The following PCBP3 variants were observed in gnomAD, a reference collection of about 807,000 sequenced individuals.
PCBP3 encodes the protein poly(rC)-binding protein 3.
A neutral mutation model predicts 52.7 loss-of-function variants in PCBP3; 25 were observed. The observed-to-expected ratio is 0.47, with a 90% CI of 0.35 to 0.66. PCBP3 has a LOEUF of 0.66. PCBP3 is among the 30% of genes least tolerant of loss of function. The pLI, the probability that PCBP3 is intolerant of heterozygous loss-of-function variation, is 0.01. For missense variants in PCBP3, 391 were observed against 490.3 expected (o/e 0.80, Z 1.91); for synonymous variants, 162 against 183.0 (o/e 0.89, Z 0.93).
At chr21:45,761,949 C>T (rs1293578091) in intron 4 of PCBP3, 2 of 152,280 alleles carry the variant, frequency 1.3e-5, no homozygotes, top group African/African-American at 4.8e-5. Context: ...TGCAACTCTT[C>T]CGTGGAATGC....
chr21:45,873,943 T>C (rs2095142164), intron 5 of PCBP3, among the ~76,000 whole-genome samples: 1 of 152,248 alleles, frequency 6.6e-6, no homozygotes, highest in Non-Finnish European at 1.5e-5. Flanking sequence ...TTCAAATATT[T>C]TGTAGAAACA....
At chr21:45,875,780 C>T (rs950461371) in intron 5 of PCBP3, among the ~76,000 whole-genome samples, 1 of 152,240 alleles carries the variant, frequency 6.6e-6, no homozygotes, top group African/African-American at 2.4e-5. Flanking sequence ...CCTTTGCTTC[C>T]TTCCAAGAGG....
At chr21:45,774,646 G>A (rs975910645) in intron 4 of PCBP3, among the ~76,000 whole-genome samples, 1 of 152,084 alleles carries the variant, frequency 6.6e-6, no homozygotes, top group African/African-American at 2.4e-5. Context: ...TATGTTGGTT[G>A]TGGCTTTGTC....
intron 3 of PCBP3, among the ~76,000 whole-genome samples, chr21:45,739,601 C>T (rs2086250140): frequency 2.2e-5 from 1 of 45,306 alleles, no homozygotes; most frequent in African/African-American, 1.5e-4. Context: ...CCCCCATCTT[C>T]ATCAGCCCAC....
chr21:45,901,690 GATGAGAGAGAGAGAGGA>G, intron 9 of PCBP3: 1 of 154,414 alleles, frequency 6.5e-6, no homozygotes, highest in Non-Finnish European at 1.4e-5. Context: ...GAGACAGAGA[GATGAGAGAGAGAGAGGA>G]AGACAGAGAG....
chr21:45,645,511 CATG>C (rs1258892872), intron 1 of PCBP3, among the ~76,000 whole-genome samples: 1 of 152,154 alleles, frequency 6.6e-6, no homozygotes, highest in African/African-American at 2.4e-5. Context: ...TTATAATGCT[CATG>C]GTGGGGGAAA....
At chr21:45,813,190 G>A (rs976430748) in intron 4 of PCBP3, among the ~76,000 whole-genome samples, 2 of 152,046 alleles carry the variant, frequency 1.3e-5, no homozygotes, top group Non-Finnish European at 2.9e-5. Context: ...GGTCTCTCAG[G>A]TTCTGTTGTT....
At chr21:45,860,670 C>A (rs1281209373) in intron 5 of PCBP3, among the ~76,000 whole-genome samples, 1 of 152,186 alleles carries the variant, frequency 6.6e-6, no homozygotes, top group African/African-American at 2.4e-5. Flanking sequence ...AAAGATCGTG[C>A]GAGGCTGCGT....
At chr21:45,923,221 G>A (rs1448738238) in intron 13 of PCBP3, among the ~76,000 whole-genome samples, 5 of 152,216 alleles carry the variant, frequency 3.3e-5, no homozygotes, top group African/African-American at 4.8e-5. Context: ...GGGGAGGTGG[G>A]TGAGGGGTCC....
intron 4 of PCBP3, among the ~76,000 whole-genome samples, chr21:45,814,892 ATGAGTGGTGAG>A (rs1261314788): frequency 2.6e-5 from 2 of 78,404 alleles, no homozygotes; most frequent in African/African-American, 1.1e-4. Context: ...GTGGTGAGTG[ATGAGTGGTGAG>A]TGAGTGGTGA....
chr21:45,860,404 T>C (rs1387345563), intron 5 of PCBP3, among the ~76,000 whole-genome samples: 2 of 152,266 alleles, frequency 1.3e-5, no homozygotes, highest in African/African-American at 4.8e-5. Context: ...CAGTTAGGAC[T>C]GTGCAGCTGA....
intron 12 of PCBP3, chr21:45,915,721 G>A (rs1451902800): frequency 1.3e-5 from 2 of 152,516 alleles, no homozygotes; most frequent in East Asian, 3.8e-4. Context: ...GGGCCCTGGG[G>A]CCCTGGGGAC....
At chr21:45,804,889 GGAGTCAGGC>G (rs1169184639) in intron 4 of PCBP3, among the ~76,000 whole-genome samples, 2 of 152,004 alleles carry the variant, frequency 1.3e-5, no homozygotes, top group Non-Finnish European at 2.9e-5. Context: ...CGTGTTCCTG[GGAGTCAGGC>G]TTACCAGCTC....
chr21:45,863,818 G>T (rs2094601054), intron 5 of PCBP3, among the ~76,000 whole-genome samples: 1 of 152,208 alleles, frequency 6.6e-6, no homozygotes, highest in Admixed American at 6.5e-5. Context: ...GCTGAGATTG[G>T]CTTCGACGGG....
chr21:45,669,063 T>C (rs573784361), intron 2 of PCBP3, 111 bp downstream of exon 2: 47 of 152,346 alleles, frequency 3.1e-4, no homozygotes, highest in East Asian at 1.9e-4. Flanking sequence ...TATGACATGA[T>C]GTCTTTCATA....
chr21:45,910,837 C>T lies in PCBP3; in HGVS notation c.472-65C>T, dbSNP rs751770095. Reference sequence around the variant, plus strand: ...CCGAGCTGCCTTGGGTGCCGAGACTCGGGAGGTACTGCTGCCCCATGCGCT... The same window carrying T: ...CCGAGCTGCCTTGGGTGCCGAGACTTGGGAGGTACTGCTGCCCCATGCGCT... On this transcript the variant is annotated intron_variant, in intron 10 of 17. Transcript: ENST00000681687. 39 of 1,506,132 alleles carry T rather than the reference C, an allele frequency of 2.6e-5. 1 individual carries two copies. The highest frequency in any genetic ancestry group is 1.9e-4 in the South Asian group (15 of 78,398). The allele number at this position is 1,506,132 out of a possible 1,614,324, so 93.3% of individuals were successfully genotyped here.
At chr21:45,836,560 T>G (rs2147892973) in intron 4 of PCBP3, 1 of 151,266 alleles carries the variant, frequency 6.6e-6, no homozygotes, top group African/African-American at 2.4e-5. Context: ...GTATATTCGT[T>G]AAAATGTTGT....
In PCBP3 at chr21:45,829,382, C is replaced by G. The variant is rs548263898; in HGVS notation, c.-125-20579C>G. ...CAGCACACTGGCATAGCTCCCTGCA[C>G]AGGGAGCCCGGGACCAGGCAGAGGG... On this transcript the variant is annotated intron_variant, in intron 4 of 17. Transcript: ENST00000681687. This position sits in a 1 kb window ranked among gnomAD's most constrained non-coding sequence, Gnocchi z 5.2. The G allele has an allele frequency of 2.0e-5, 3 of 152,330 alleles. No homozygotes were observed. Among genetic ancestry groups the G allele is most frequent in the East Asian group, 2.0e-4 (1 of 5,128 alleles). The allele number at this position is 152,330 out of a possible 1,614,324, so 9.4% of individuals were successfully genotyped here. A position where few individuals can be genotyped will look rare whatever the true frequency, so the allele number is the denominator to read the frequency against.
chr21:45,659,559 C>G (rs2080250233), intron 1 of PCBP3, among the ~76,000 whole-genome samples: 2 of 152,116 alleles, frequency 1.3e-5, no homozygotes, highest in Middle Eastern at 6.8e-3. Flanking sequence ...TCATGTTGCT[C>G]AGACTGGTCT....
Sources: gnomAD v4.1 joint callset for allele counts (sites outside exome capture counted in the v4.1 genomes callset) on GRCh38, gnomAD v4.1.1 for gene constraint, Gnocchi (gnomAD v3.1) non-coding constraint, MANE v1.5 for transcripts, NCBI Gene and HGNC (gene_info 2026-07-23, HGNC 2026-07-21) for gene names.